The following ACBD6 variants were observed in gnomAD, a reference collection of about 807,000 sequenced individuals.
ACBD6 encodes the protein acyl-CoA-binding domain-containing protein 6.
A neutral mutation model predicts 37.2 loss-of-function variants in ACBD6; 28 were observed. That is an observed-to-expected ratio of 0.75 (90% CI 0.56 to 1.03). The LOEUF (loss-of-function observed/expected upper bound fraction) is 1.03, where lower values mean the gene tolerates loss of function less well. Among genes scored for constraint, ACBD6 ranks in the 50% least tolerant of loss-of-function variants. The pLI is 0.00. For missense variants in ACBD6, 340 were observed against 337.4 expected (o/e 1.01, Z -0.06); for synonymous variants, 113 against 126.8 (o/e 0.89, Z 0.73).
intron 3 of ACBD6, among the ~76,000 whole-genome samples, chr1:180,455,764 C>T (rs544111927): frequency 2.6e-5 from 4 of 152,170 alleles, no homozygotes; most frequent in African/African-American, 9.6e-5. Flanking sequence ...AGATTATGCA[C>T]TTTTTATATA....
At chr1:180,479,919 G>A (rs1243328738) in intron 3 of ACBD6, among the ~76,000 whole-genome samples, 1 of 152,058 alleles carries the variant, frequency 6.6e-6, no homozygotes, top group Non-Finnish European at 1.5e-5. Flanking sequence ...AGCCCCGAAG[G>A]CAGAGGGTTC....
intron 6 of ACBD6, among the ~76,000 whole-genome samples, chr1:180,384,955 C>G (rs10913976): frequency 0.49 from 73,892 of 151,860 alleles, 20,786 homozygotes; most frequent in South Asian, 0.66. Flanking sequence ...AAAAGTTGAT[C>G]TCATGAAGGT....
At chr1:180,297,007 T>G (rs1467029294) in intron 7 of ACBD6, among the ~76,000 whole-genome samples, 2 of 152,050 alleles carry the variant, frequency 1.3e-5, no homozygotes, top group African/African-American at 2.4e-5. Flanking sequence ...GTGCTTCTTT[T>G]GTTAGGGTGA....
At chr1:180,294,102 C>A (rs1443652975) in intron 7 of ACBD6, among the ~76,000 whole-genome samples, 1 of 149,582 alleles carries the variant, frequency 6.7e-6, no homozygotes, top group Non-Finnish European at 1.5e-5. Context: ...ACCATGTTGG[C>A]CAGGCTGATC....
intron 4 of ACBD6, among the ~76,000 whole-genome samples, chr1:180,420,259 AT>A (rs1648299824): frequency 6.6e-6 from 1 of 152,190 alleles, no homozygotes; most frequent in Non-Finnish European, 1.5e-5. Flanking sequence ...CATTTTTGCC[AT>A]ACTCACAATC....
chr1:180,295,015 T>C (rs1476313514), intron 7 of ACBD6, among the ~76,000 whole-genome samples: 1 of 152,186 alleles, frequency 6.6e-6, no homozygotes, highest in Admixed American at 6.6e-5. Flanking sequence ...TTCTCTTTTT[T>C]TTCTTCCTTG....
Position 180,276,834 on chromosome 1 carries a change from A to AGC in ACBD6, c.*175-1423_*175-1422insGC, listed in dbSNP as rs1649060442. The AGC allele has an allele frequency of 3.8e-4, 10 of 26,424 alleles. No individual in the cohort carries two copies. In the South Asian group the frequency reaches 0.013, roughly 35 times the overall value. The allele number at this position is 26,424 out of a possible 1,614,324, so 1.6% of individuals were successfully genotyped here. ...TGTGGGGGAGAGCAGGCTTTTTAAA[A>AGC]GGGGGGGGGGCATCCTCCTCTGTGT... On this transcript the variant is annotated intron_variant, in intron 9 of 13. Coordinates refer to the ACBD6 transcript ENST00000642319.
chr1:180,302,413 A>G (rs1296772786), intron 7 of ACBD6, among the ~76,000 whole-genome samples: 3 of 151,354 alleles, frequency 2.0e-5, no homozygotes, highest in Non-Finnish European at 4.4e-5. Flanking sequence ...TATTGGGTGC[A>G]TATATATTTA....
At chr1:180,443,138 C>T (rs1429522004) in intron 3 of ACBD6, among the ~76,000 whole-genome samples, 2 of 152,124 alleles carry the variant, frequency 1.3e-5, no homozygotes, top group Non-Finnish European at 2.9e-5. Context: ...CATTAAGTTA[C>T]TTGGAATTAG....
intron 3 of ACBD6, among the ~76,000 whole-genome samples, chr1:180,444,263 G>A (rs72714902): frequency 0.16 from 23,631 of 147,156 alleles, 1,925 homozygotes; most frequent in Middle Eastern, 0.23. Flanking sequence ...CAGTCTGGGC[G>A]ACAGAGTGAG....
chr1:180,302,045 G>T (rs752871534), intron 7 of ACBD6, among the ~76,000 whole-genome samples: 1 of 151,668 alleles, frequency 6.6e-6, no homozygotes, highest in Non-Finnish European at 1.5e-5. Flanking sequence ...TTATTGGGGG[G>T]GGAGGGTGGA....
intron 6 of ACBD6, among the ~76,000 whole-genome samples, chr1:180,390,468 A>G (rs12129511): frequency 0.49 from 73,735 of 151,724 alleles, 20,741 homozygotes; most frequent in South Asian, 0.66. Context: ...TTGGCTTAGG[A>G]TTGACTTGGA....
chr1:180,293,591 GC>G (rs766230507), intron 7 of ACBD6, among the ~76,000 whole-genome samples: 4 of 152,122 alleles, frequency 2.6e-5, no homozygotes, highest in Non-Finnish European at 4.4e-5. Context: ...ATAGGCATGA[GC>G]CACTGTGCCT....
chr1:180,312,827 A>G (rs1650645561), intron 7 of ACBD6, among the ~76,000 whole-genome samples: 1 of 152,200 alleles, frequency 6.6e-6, no homozygotes, highest in Non-Finnish European at 1.5e-5. Flanking sequence ...TCATTATAAC[A>G]AATCTCTGAA....
intron 3 of ACBD6, among the ~76,000 whole-genome samples, chr1:180,483,577 C>CTA (rs1651141466): frequency 6.6e-6 from 1 of 152,000 alleles, no homozygotes; most frequent in Non-Finnish European, 1.5e-5. Flanking sequence ...AAATGACTGA[C>CTA]TAGTATCAAT....
intron 7 of ACBD6, among the ~76,000 whole-genome samples, chr1:180,303,623 C>G (rs1450333588): frequency 1.3e-5 from 2 of 150,510 alleles, no homozygotes; most frequent in Admixed American, 1.3e-4. Context: ...AATAGCTCAC[C>G]AACCAAAAAA....
Position 180,314,927 on chromosome 1 carries a change from T to C in ACBD6, c.664-205A>G, listed in dbSNP as rs371199633. Among the ~76,000 whole-genome samples, 17 of 152,350 alleles carry C rather than the reference T, an allele frequency of 1.1e-4. No homozygotes were observed. The East Asian group carries it at 1.7e-3, about 16-fold the overall frequency. On this transcript the variant is annotated intron_variant, in intron 6 of 7. Transcript: ENST00000367595. ...ATAAAGAATGATAACTTGTGCACTG[T>C]AGCAGCTACAATGGAGTAACAGGAT... is the stretch of plus-strand genomic sequence containing the variant.
chr1:180,345,488 T>C (rs1652144117), intron 6 of ACBD6, among the ~76,000 whole-genome samples: 1 of 152,132 alleles, frequency 6.6e-6, no homozygotes, highest in Admixed American at 6.5e-5. Flanking sequence ...AATCATTTCC[T>C]TTCACTTAGC....
rs532479280 is a variant in ACBD6 at position 180,313,636 on chromosome 1, G to A, written c.694+1056C>T. 2.0e-5 allele frequency among the ~76,000 whole-genome samples: 3 copies of A among 152,268 alleles called. No homozygotes were observed. In the South Asian group the frequency reaches 6.2e-4, roughly 32 times the overall value. On this transcript the variant is annotated intron_variant, in intron 7 of 7. Coordinates refer to ENST00000367595, the MANE Select transcript of ACBD6 (RefSeq NM_032360.4). The stretch of plus-strand genomic sequence containing the variant: ...CTGGCAAGTGTATTCCTTCCCAAAA[G>A]GTTGATCCATAATGTGGTGTAAATA...
Sources: allele counts gnomAD v4.1 joint callset (sites outside exome capture counted in the v4.1 genomes callset), GRCh38; gene constraint gnomAD v4.1.1; transcripts MANE v1.5; gene names NCBI Gene and HGNC (gene_info 2026-07-23, HGNC 2026-07-21).